Variants in NSD1 observed in about 807,000 individuals in gnomAD.
NSD1 encodes nuclear receptor binding SET domain protein 1.
In NSD1, 26 loss-of-function variants were observed where a neutral mutation model predicts 242.7. The ratio of observed to expected loss-of-function variants is 0.11; its 90% CI spans 0.08 to 0.15. The LOEUF (loss-of-function observed/expected upper bound fraction) is 0.15, where lower values mean the gene tolerates loss of function less well. Among genes scored for constraint, NSD1 ranks in the 10% least tolerant of loss-of-function variants. The pLI, the probability that NSD1 is intolerant of heterozygous loss-of-function variation, is 1.00. For missense variants in NSD1, 2,495 were observed against 3,272.8 expected, an observed-to-expected ratio of 0.76 and a Z score of 5.80; for synonymous variants, 1,106 against 1,178.1, an observed-to-expected ratio of 0.94 and a Z score of 1.25.
chr5:177,206,760 A>C (rs910682130), intron 4 of NSD1, among the ~76,000 whole-genome samples: 7 of 151,914 alleles, frequency 4.6e-5, no homozygotes, highest in African/African-American at 1.7e-4. Context: ...TAGAGTTACC[A>C]ATCTTTTTAG....
At chr5:177,151,693 T>G (rs1757717814) in intron 2 of NSD1, among the ~76,000 whole-genome samples, 1 of 151,070 alleles carries the variant, frequency 6.6e-6, no homozygotes, top group African/African-American at 2.4e-5. Flanking sequence ...GTGTCCTTTT[T>G]TTTTTTTTTA....
At chr5:177,265,565 G>C in intron 14 of NSD1, 2 of 1,093,800 alleles carry the variant, frequency 1.8e-6, no homozygotes, top group East Asian at 2.4e-5. Context: ...CGGGAGAGCC[G>C]GGCCTCAGCA....
chr5:177,159,482 C>T (rs999661590), intron 2 of NSD1, among the ~76,000 whole-genome samples: 2 of 152,006 alleles, frequency 1.3e-5, no homozygotes, highest in African/African-American at 2.4e-5. Context: ...GAGGTTTCAC[C>T]GCATTGGTTA....
At chr5:177,205,238 A>G (rs1762787410) in intron 4 of NSD1, among the ~76,000 whole-genome samples, 1 of 152,000 alleles carries the variant, frequency 6.6e-6, no homozygotes, top group African/African-American at 2.4e-5. Context: ...GTTTTGCCAT[A>G]TTGGCCAGGC....
At chr5:177,283,740 G>A (rs1213230958) in intron 19 of NSD1, 47 bp from the exon 20 acceptor site, 1 of 1,601,764 alleles carries the variant, frequency 6.2e-7, no homozygotes. Flanking sequence ...TTAATCCACA[G>A]CAGAGGTCTC....
chr5:177,229,164 T>C (rs1169584574), intron 5 of NSD1, among the ~76,000 whole-genome samples: 1 of 152,250 alleles, frequency 6.6e-6, no homozygotes, highest in Non-Finnish European at 1.5e-5. Flanking sequence ...TAATTTTATT[T>C]ATTCATTCAT....
Position 177,239,753 on chromosome 5 carries a change from C to T in NSD1, c.4193-3C>T, listed in dbSNP as rs1167482805. 1 of 1,563,008 alleles carries T rather than the reference C, an allele frequency of 6.4e-7. No individual in the cohort carries two copies. Among genetic ancestry groups the T allele is most frequent in the Admixed American group, 1.7e-5 (1 of 59,846 alleles). On this transcript the variant is annotated splice_region_variant and splice_polypyrimidine_tract_variant and intron_variant, in intron 7 of 22. Coordinates refer to ENST00000439151, the MANE Select transcript of NSD1 (RefSeq NM_022455.5). The stretch of plus-strand genomic sequence containing the variant: ...ATCTAATGTAAAGATACATGCATTT[C>T]AGGAAATTATGAAAGTAAACGTCAA...
At chr5:177,182,178 A>G (rs1048860557) in intron 2 of NSD1, among the ~76,000 whole-genome samples, 3 of 151,696 alleles carry the variant, frequency 2.0e-5, no homozygotes, top group Admixed American at 6.6e-5. Context: ...TTAGCTGGTC[A>G]TAGTGGTATG....
At chr5:177,264,496 A>G (rs1218874072) in intron 14 of NSD1, among the ~76,000 whole-genome samples, 1 of 152,200 alleles carries the variant, frequency 6.6e-6, no homozygotes, top group Non-Finnish European at 1.5e-5. Context: ...ATGTCAAACA[A>G]ATAACATATT....
Position 177,134,667 on chromosome 5 carries a change from G to C in NSD1, c.-17-420G>C, listed in dbSNP as rs1756156644. On this transcript the variant is annotated intron_variant, in intron 1 of 22. Transcript: ENST00000439151. This position sits in a 1 kb window ranked among gnomAD's most constrained non-coding sequence, Gnocchi z 4.2. ...CGCCCTAGCGAGCCAGGAAGGGGGG[G>C]GTACCTTTTTGTGCAGGGTCCAGGA... Among the ~76,000 whole-genome samples, 1 of 152,208 alleles carries C rather than the reference G, an allele frequency of 6.6e-6. No individual in the cohort carries two copies. The highest frequency in any genetic ancestry group is 2.4e-5 in the African/African-American group (1 of 41,462).
At chr5:177,252,729 T>C (rs1471725749) in intron 12 of NSD1, among the ~76,000 whole-genome samples, 10 of 151,460 alleles carry the variant, frequency 6.6e-5, no homozygotes, top group African/African-American at 2.4e-4. Flanking sequence ...TTTTTTTTAT[T>C]TTTTGTTGAG....
chr5:177,196,226 A>C (rs370822210), intron 3 of NSD1, among the ~76,000 whole-genome samples: 1 of 152,122 alleles, frequency 6.6e-6, no homozygotes, highest in African/African-American at 2.4e-5. Context: ...TGCCTTGTTG[A>C]CTTTGTTAAA....
rs1156867352 is a variant in NSD1 at position 177,295,037 on chromosome 5, G to A, written c.7669G>A (p.Gly2557Arg). ...FLYEPTTQAS[G>R]RASAGAEQTP... ...ATATGAGCCAACAACTCAGGCCTCA[G>A]GAAGAGCTTCTGCAGGGGCTGAGCA... Residue 2557 changes from glycine (G) to arginine (R), a missense_variant, in exon 23 of 23, where the codon GGA becomes AGA. Gly to Arg is a moderately radical substitution (Grantham distance 125). Around this residue, in one of 19 missense-constraint regions of NSD1, gnomAD observed 475 missense variants for 563.7 expected, o/e 0.84. Coordinates refer to ENST00000439151, the MANE Select transcript of NSD1 (RefSeq NM_022455.5). The surrounding 1 kb of genome is among the most constrained non-coding windows in gnomAD (Gnocchi z 4.3). The A allele has an allele frequency of 1.2e-6, 2 of 1,614,044 alleles. No homozygotes were observed. The highest frequency in any genetic ancestry group is 2.7e-5 in the African/African-American group (2 of 74,938).
In NSD1 at chr5:177,300,187, GTA is replaced by G. The variant is rs768238844; in HGVS notation, c.*4729_*4730del. ...TTTGTATATAGAAAAAAAATTTACT[GTA>G]AAGTAAAGTTTAACTTTACTCATAT... On this transcript the variant is annotated 3_prime_UTR_variant, in exon 23 of 23. Coordinates refer to ENST00000439151, the MANE Select transcript of NSD1 (RefSeq NM_022455.5). 7.2e-5 allele frequency: 16 copies of G among 222,108 alleles called. No individual in the cohort carries two copies. Among genetic ancestry groups the G allele is most frequent in the African/African-American group, 2.2e-4 (10 of 44,664 alleles). 13.8% of individuals were successfully genotyped at this position (222,108 alleles called of 1,614,324 possible).
At chr5:177,155,019 C>G (rs1472089659) in intron 2 of NSD1, among the ~76,000 whole-genome samples, 6 of 144,492 alleles carry the variant, frequency 4.2e-5, no homozygotes, top group African/African-American at 1.5e-4. Flanking sequence ...GAGTCAGAGT[C>G]TTGTTCTGTT....
chr5:177,166,624 T>C (rs1759224350), intron 2 of NSD1, among the ~76,000 whole-genome samples: 1 of 152,110 alleles, frequency 6.6e-6, no homozygotes, highest in Admixed American at 6.6e-5. Flanking sequence ...TCAGTTTTGT[T>C]GTTCAATCTA....
chr5:177,259,961 T>G, intron 13 of NSD1, 28 bp from the exon 14 acceptor site: 1 of 1,613,952 alleles, frequency 6.2e-7, no homozygotes, highest in Non-Finnish European at 8.5e-7. Context: ...TGTTTTTCTT[T>G]TGCTTGTCCC....
chr5:177,275,512 C>A (rs1458928535), intron 17 of NSD1, among the ~76,000 whole-genome samples: 1 of 129,830 alleles, frequency 7.7e-6, no homozygotes, highest in African/African-American at 2.8e-5. Flanking sequence ...TGGCTCACTG[C>A]AAGCTCTGCC....
chr5:177,276,338 C>T (rs1404799297), intron 17 of NSD1, among the ~76,000 whole-genome samples: 2 of 149,270 alleles, frequency 1.3e-5, no homozygotes, highest in Admixed American at 6.6e-5. Context: ...TTTTTTTTTC[C>T]CCCTGAGACA....
Sources: gnomAD v4.1 joint callset for allele counts (sites outside exome capture counted in the v4.1 genomes callset) on GRCh38, gnomAD v4.1.1 for gene constraint, gnomAD v4.1.1 regional missense constraint, Gnocchi (gnomAD v3.1) non-coding constraint, MANE v1.5 for transcripts, NCBI Gene and HGNC (gene_info 2026-07-23, HGNC 2026-07-21) for gene names.